TRANK1: variants seen among roughly 807,000 people sequenced by gnomAD.
The protein encoded by TRANK1 is tetratricopeptide repeat and ankyrin repeat containing 1.
A neutral mutation model predicts 266.0 loss-of-function variants in TRANK1; 198 were observed. That is an observed-to-expected ratio of 0.74 (90% confidence interval 0.66 to 0.84). TRANK1 has a LOEUF of 0.84. Ranked by LOEUF, TRANK1 falls within the 40% of genes least tolerant of loss-of-function variation. The pLI, the probability that TRANK1 is intolerant of heterozygous loss-of-function variation, is 0.00. For missense variants in TRANK1, 3,326 were observed against 3,634.6 expected (o/e 0.92, Z 2.18); for synonymous variants, 1,396 against 1,384.1 (o/e 1.01, Z -0.19).
chr3:36,828,464 A>AGGAAGGGAGGAAGGAAGGAAGGAAAGGG (rs2125565448), intron 23 of TRANK1, 89 bp from the exon 24 acceptor site: 1 of 918,216 alleles, frequency 1.1e-6, no homozygotes, highest in East Asian at 2.6e-5. Context: ...GAAGGAAAGG[A>AGGAAGGGAGGAAGGAAGGAAGGAAAGGG]GGAAGGGAGG....
intron 9 of TRANK1, among the ~76,000 whole-genome samples, chr3:36,872,852 C>A: frequency 6.6e-6 from 1 of 151,544 alleles, no homozygotes. Flanking sequence ...CGTGCCAAGC[C>A]AGAAGAATGA....
Position 36,831,527 on chromosome 3 carries a change from C to G in TRANK1, c.8056G>C (p.Glu2686Gln), listed in dbSNP as rs2078693973. The change falls in exon 22 of 24, where the codon GAG becomes CAG. Residue 2686 changes from glutamate to glutamine, a missense_variant. Coordinates refer to ENST00000645898, the MANE Select transcript of TRANK1 (RefSeq NM_001329998.2). The surrounding 1 kb of genome is among the most constrained non-coding windows in gnomAD (Gnocchi z 5.0). ...ATCTCATCCTGGCCAAACTCACACT[C>G]AGGTTCAGCAAAGTAGTCCACAGGG... is the stretch of plus-strand genomic sequence containing the variant. ...LDPVDYFAEPECEFGQDEMDE... is the reference protein window; with the variant it reads ...LDPVDYFAEPQCEFGQDEMDE... 2 of 1,613,308 alleles carry G rather than the reference C, an allele frequency of 1.2e-6. No homozygotes were observed. Among genetic ancestry groups the G allele is most frequent in the Non-Finnish European group, 1.7e-6 (2 of 1,179,646 alleles).
Position 36,873,857 on chromosome 3 carries a change from G to GA in TRANK1, c.1078+268dup, listed in dbSNP as rs60007212. On this transcript the variant is annotated intron_variant, in intron 9 of 23. Transcript: ENST00000645898. The stretch of plus-strand genomic sequence containing the variant: ...CTTTTTTTGCTGTGTACATGCATGG[G>GA]AAAAAAAAAAAATCACCCACACTGT... Among the ~76,000 whole-genome samples, 399 of 139,204 alleles carry GA rather than the reference G, an allele frequency of 2.9e-3. 1 individual carries two copies. The highest frequency in any genetic ancestry group is 9.0e-3 in the African/African-American group (332 of 37,070). The allele number at this position is 139,204 out of a possible 152,430, so 91.3% of individuals were successfully genotyped here. A position where few individuals can be genotyped will look rare whatever the true frequency, so the allele number is the denominator to read the frequency against.
chr3:36,926,616 C>T (rs528923845), intron 1 of TRANK1, among the ~76,000 whole-genome samples: 7 of 152,178 alleles, frequency 4.6e-5, no homozygotes, highest in South Asian at 2.1e-4. Context: ...TTAACACAAG[C>T]CCATTATAGT....
rs2125527638 is a variant in TRANK1, at chr3:36,846,390, C to T, written c.5049G>A (p.Glu1683=). 1 of 1,613,158 alleles carries T rather than the reference C, an allele frequency of 6.2e-7. No individual in the cohort carries two copies. Among genetic ancestry groups the T allele is most frequent in the South Asian group, 1.1e-5 (1 of 90,930 alleles). ...NPEMYKLLNG[E]LKQLYTAITR... is the part of the protein sequence containing the mutation. ...TGATGGCGGTGTACAGCTGCTTCAG[C>T]TCTCCGTTGAGGAGCTAAAGATAAC... Residue 1683 remains glutamate (E), a synonymous_variant, in exon 17 of 24, where the codon GAG becomes GAA. Transcript: ENST00000645898.
chr3:36,903,475 C>T (rs2079915004), intron 2 of TRANK1, among the ~76,000 whole-genome samples, 200 bp from the exon 3 acceptor site: 2 of 152,248 alleles, frequency 1.3e-5, no homozygotes, highest in Non-Finnish European at 2.9e-5. Flanking sequence ...CTTCCTCACT[C>T]CCAAATACTC....
chr3:36,876,907 C>G (rs970441202), intron 8 of TRANK1, among the ~76,000 whole-genome samples: 3 of 152,166 alleles, frequency 2.0e-5, no homozygotes, highest in Non-Finnish European at 2.9e-5. Flanking sequence ...CATATCTAGA[C>G]GGGTTCTGCT....
intron 9 of TRANK1, among the ~76,000 whole-genome samples, chr3:36,871,756 T>A (rs538788603): frequency 1.3e-5 from 2 of 152,246 alleles, no homozygotes; most frequent in African/African-American, 4.8e-5. Flanking sequence ...TTAAAATAAA[T>A]AAATAAAAAT....
rs2078650453 is a variant in TRANK1, at chr3:36,828,042, G to GT, written c.*232dup. On this transcript the variant is annotated 3_prime_UTR_variant, in exon 24 of 24. Coordinates refer to ENST00000645898, the MANE Select transcript of TRANK1 (RefSeq NM_001329998.2). Reference sequence around the variant, plus strand: ...ACAACTTCTCTACCTGAATTTGTTTGTGGGGGAAACTAATACTGCCAGACT... The same window carrying GT: ...ACAACTTCTCTACCTGAATTTGTTTGTTGGGGGAAACTAATACTGCCAGACT... 6.2e-6 allele frequency: 3 copies of GT among 482,002 alleles called. No homozygotes were observed. In the South Asian group the frequency reaches 7.6e-5, roughly 12 times the overall value. 29.9% of individuals were successfully genotyped at this position (482,002 alleles called of 1,614,324 possible). A position where few individuals can be genotyped will look rare whatever the true frequency, so the allele number is the denominator to read the frequency against.
rs1206972699 is a variant in TRANK1, at chr3:36,833,131, T to A, written c.6452A>T (p.Lys2151Ile). 1.2e-6 allele frequency: 2 copies of A among 1,612,982 alleles called. No individual in the cohort carries two copies. The highest frequency in any genetic ancestry group is 1.7e-6 in the Non-Finnish European group (2 of 1,179,324). ...IFDLDLNLRE[K>I]KTKDHFLIMT... ...TATCAAAAAATGATCTTTTGTTTTTTTCTCTCTCAAGTTCAAATCCAGGTC... is the reference window on the plus strand; with the variant it reads ...TATCAAAAAATGATCTTTTGTTTTTATCTCTCTCAAGTTCAAATCCAGGTC... The change falls in exon 22 of 24, where the codon AAA (lysine) becomes ATA (isoleucine). Residue 2151 changes from lysine (K) to isoleucine (I), a missense_variant. By Grantham distance (102) the Lys-to-Ile change is moderately radical. Transcript: ENST00000645898.
intron 8 of TRANK1, among the ~76,000 whole-genome samples, chr3:36,888,625 G>C (rs2079641617): frequency 6.6e-6 from 1 of 152,214 alleles, no homozygotes; most frequent in South Asian, 2.1e-4. Context: ...ATGCTGAAGA[G>C]AGGAAACTGC....
rs573032233 is a variant in TRANK1, at chr3:36,856,910, T to C, written c.2812A>G (p.Ile938Val). The C allele has an allele frequency of 6.8e-6, 11 of 1,613,950 alleles. No homozygotes were observed. Among genetic ancestry groups the C allele is most frequent in the Non-Finnish European group, 8.5e-6 (10 of 1,179,860 alleles). The change falls in exon 13 of 24, where the codon ATC (isoleucine) becomes GTC (valine). Residue 938 changes from isoleucine (I) to valine (V), a missense_variant. Ile to Val is a conservative substitution (Grantham distance 29). Transcript: ENST00000645898. ...AAGACGATGTCCCAAATCCGGATGA[T>C]TTCCGTGTAGATCCGCCCTGATTTC... is the stretch of plus-strand genomic sequence containing the variant. Reference protein sequence around the residue: ...MEKSGRIYTEIIRIWDIVLDH... With the variant: ...MEKSGRIYTEVIRIWDIVLDH...
At position 36,846,260 on chromosome 3, in the gene TRANK1, C is replaced by A. The variant is rs775447788; in HGVS notation, c.5179G>T (p.Asp1727Tyr). ...RRDFVQVVKTDENKDFDDSMF... is the reference protein window; with the variant it reads ...RRDFVQVVKTYENKDFDDSMF... Reference sequence around the variant, plus strand: ...AACAGGATCTTACCTTTATTTTCATCTGTCTTTACAACTTGGACAAAATCT... The same window carrying A: ...AACAGGATCTTACCTTTATTTTCATATGTCTTTACAACTTGGACAAAATCT... Residue 1727 changes from aspartate to tyrosine, a missense_variant, in exon 17 of 24, where the codon GAT becomes TAT. Asp to Tyr is a radical substitution (Grantham distance 160). Transcript: ENST00000645898. The A allele has an allele frequency of 2.5e-6, 4 of 1,593,948 alleles. No individual in the cohort carries two copies.
chr3:36,856,473 T>G lies in TRANK1; in HGVS notation c.3249A>C (p.Thr1083=). 4 of 1,613,988 alleles carry G rather than the reference T, an allele frequency of 2.5e-6. No individual in the cohort carries two copies. Among genetic ancestry groups the G allele is most frequent in the Non-Finnish European group, 3.4e-6 (4 of 1,179,882 alleles). ...ILIGRSGTGK[T]TCCLYRLWKK... is the part of the protein sequence containing the mutation. Reference sequence around the variant, plus strand: ...TCCACAATCTGTACAAGCAGCAGGTTGTCTTCCCAGTGCCACTTCGCCCAA... The same window carrying G: ...TCCACAATCTGTACAAGCAGCAGGTGGTCTTCCCAGTGCCACTTCGCCCAA... Residue 1083 remains threonine (T), a synonymous_variant, in exon 13 of 24, where the codon ACA becomes ACC. Coordinates refer to ENST00000645898, the MANE Select transcript of TRANK1 (RefSeq NM_001329998.2).
chr3:36,847,597 C>T (rs1270554596), intron 15 of TRANK1, among the ~76,000 whole-genome samples: 1 of 152,222 alleles, frequency 6.6e-6, no homozygotes, highest in Non-Finnish European at 1.5e-5. Flanking sequence ...CACATGACCA[C>T]TTCCAGGGAA....
rs1318792786 is a variant in TRANK1 at position 36,832,767 on chromosome 3, A to T, written c.6816T>A (p.Leu2272=). 1 of 1,614,046 alleles carries T rather than the reference A, an allele frequency of 6.2e-7. No individual in the cohort carries two copies. Among genetic ancestry groups the T allele is most frequent in the South Asian group, 1.1e-5 (1 of 91,088 alleles). Residue 2272 remains leucine, a synonymous_variant, in exon 22 of 24, where the codon CTT becomes CTA. Transcript: ENST00000645898. ...YGLCKSILDV[L]FPKHFHQRVL... Reference sequence around the variant, plus strand: ...CTCTCTGATGGAAATGCTTAGGGAAAAGGACATCCAGAATGGACTTGCAAA... The same window carrying T: ...CTCTCTGATGGAAATGCTTAGGGAATAGGACATCCAGAATGGACTTGCAAA...
intron 4 of TRANK1, among the ~76,000 whole-genome samples, chr3:36,897,482 A>G (rs558588380): frequency 1.2e-3 from 180 of 152,172 alleles, no homozygotes; most frequent in African/African-American, 4.0e-3. Flanking sequence ...ACTCCTTCCC[A>G]CTGCCTGCTA....
chr3:36,912,846 G>A (rs112782591), intron 1 of TRANK1, among the ~76,000 whole-genome samples: 3,925 of 151,320 alleles, frequency 0.026, 70 homozygotes, highest in Non-Finnish European at 0.037. Flanking sequence ...GGTACTGCTT[G>A]AATTCTTGAC....
At chr3:36,864,243 C>A in intron 10 of TRANK1, 76 bp downstream of exon 10, 1 of 1,364,026 alleles carries the variant, frequency 7.3e-7, no homozygotes, top group Non-Finnish European at 9.6e-7. Flanking sequence ...AAATTAATTT[C>A]TGAACAGATA....
Sources: allele counts gnomAD v4.1 joint callset (sites outside exome capture counted in the v4.1 genomes callset), GRCh38; gene constraint gnomAD v4.1.1; non-coding constraint Gnocchi (gnomAD v3.1); transcripts MANE v1.5; gene names NCBI Gene and HGNC (gene_info 2026-07-23, HGNC 2026-07-21).